The following ENKUR variants were observed in gnomAD, a reference collection of about 807,000 sequenced individuals.
The protein encoded by ENKUR is enkurin.
In ENKUR, 19 loss-of-function variants were observed where a neutral mutation model predicts 27.6. That is an observed-to-expected ratio of 0.69 (90% CI 0.48 to 1.01). The LOEUF (loss-of-function observed/expected upper bound fraction) is 1.01, where lower values mean the gene tolerates loss of function less well. Ranked by LOEUF, ENKUR falls within the 50% of genes least tolerant of loss-of-function variation. ENKUR has a pLI of 0.00. For missense variants in ENKUR, 312 were observed against 310.5 expected (o/e 1.00, Z -0.04); for synonymous variants, 117 against 96.9 (o/e 1.21, Z -1.22).
chr10:25,010,629 G>A (rs987188238), intron 1 of ENKUR, among the ~76,000 whole-genome samples: 9 of 146,506 alleles, frequency 6.1e-5, no homozygotes, highest in Non-Finnish European at 1.2e-4. Flanking sequence ...AGAGTGTGAT[G>A]TTCCCCTTCC....
At chr10:24,991,261 GTTGGCTT>G (rs1473011375) in intron 3 of ENKUR, among the ~76,000 whole-genome samples, 2 of 152,036 alleles carry the variant, frequency 1.3e-5, no homozygotes, top group East Asian at 3.9e-4. Flanking sequence ...ATATTCAAGA[GTTGGCTT>G]TTCTACCTTC....
chr10:25,013,217 T>G (rs1383896133), intron 1 of ENKUR, among the ~76,000 whole-genome samples: 1 of 152,252 alleles, frequency 6.6e-6, no homozygotes, highest in Admixed American at 6.5e-5. Flanking sequence ...GTCTCGAGTA[T>G]GTCTTTATTA....
intron 2 of ENKUR, among the ~76,000 whole-genome samples, chr10:24,996,188 T>C (rs1850049891): frequency 6.6e-6 from 1 of 152,196 alleles, no homozygotes; most frequent in African/African-American, 2.4e-5. Context: ...TGGCCCACGG[T>C]GACGTGGGCA....
chr10:25,012,210 C>G (rs376623846), intron 1 of ENKUR, among the ~76,000 whole-genome samples: 15 of 151,550 alleles, frequency 9.9e-5, no homozygotes, highest in African/African-American at 3.7e-4. Context: ...GTCTGGATGT[C>G]TAGGCAAAGA....
At chr10:25,023,990 T>C (rs763244634) in intron 2 of ENKUR, 5 of 1,614,058 alleles carry the variant, frequency 3.1e-6, no homozygotes, top group South Asian at 1.1e-5. Flanking sequence ...GAAGCTGTAA[T>C]TGAGGGGTTG....
rs1420879438 is a variant in ENKUR at position 24,983,683 on chromosome 10, CTG to C, written c.*685_*686del. On this transcript the variant is annotated 3_prime_UTR_variant, in exon 6 of 6. Coordinates refer to ENST00000331161, the MANE Select transcript of ENKUR (RefSeq NM_145010.4). ...AGCTTTTCTATAAGGCTTCCAAATT[CTG>C]TGTTTGTGAAAAAAGCCTGAAAGAC... The C allele has an allele frequency of 2.0e-5, 3 of 152,048 alleles. No homozygotes were observed. Among genetic ancestry groups the C allele is most frequent in the Non-Finnish European group, 4.4e-5 (3 of 67,982 alleles). 9.4% of individuals were successfully genotyped at this position (152,048 alleles called of 1,614,324 possible).
At chr10:25,021,804 G>T (rs1850724611) in intron 2 of ENKUR, 1 of 152,136 alleles carries the variant, frequency 6.6e-6, no homozygotes, top group Admixed American at 6.5e-5. Flanking sequence ...ATTGGTTCCG[G>T]TGTGTCCTAT....
rs143977917 is a variant in ENKUR, at chr10:25,012,570, T to C, written c.77+3290A>G. On this transcript the variant is annotated intron_variant, in intron 1 of 5. Coordinates refer to ENST00000331161, the MANE Select transcript of ENKUR (RefSeq NM_145010.4). ...GTCAAAGGAGATCATTTTGGAACTT[T>C]AAGGTTTAATGACTGCCCTATTAGA... 7.5e-3 allele frequency among the ~76,000 whole-genome samples: 1,135 copies of C among 152,326 alleles called. 18 individuals are homozygous for C. Among genetic ancestry groups the C allele is most frequent in the African/African-American group, 0.025 (1,043 of 41,580 alleles).
intron 2 of ENKUR, among the ~76,000 whole-genome samples, chr10:25,026,838 A>T (rs187747583): frequency 2.7e-3 from 414 of 152,298 alleles, no homozygotes; most frequent in Non-Finnish European, 4.9e-3. Context: ...TAATTTTTTT[A>T]AAATTAAACC....
At chr10:25,034,116 C>T (rs1282732093) in intron 2 of ENKUR, among the ~76,000 whole-genome samples, 1 of 151,906 alleles carries the variant, frequency 6.6e-6, no homozygotes, top group Non-Finnish European at 1.5e-5. Flanking sequence ...AAAATGAAAG[C>T]ATTCTGTGAA....
chr10:25,037,107 G>A (rs1025845985), intron 2 of ENKUR, among the ~76,000 whole-genome samples: 4 of 152,248 alleles, frequency 2.6e-5, no homozygotes, highest in African/African-American at 9.6e-5. Context: ...AAGAGTGCCT[G>A]TATGGAGTTG....
intron 1 of ENKUR, among the ~76,000 whole-genome samples, chr10:25,002,486 T>G (rs180762271): frequency 6.6e-6 from 1 of 152,340 alleles, no homozygotes; most frequent in Admixed American, 6.5e-5. Context: ...CCAGAGAGTA[T>G]GCTGGGGCAG....
intron 2 of ENKUR, chr10:25,026,738 A>G (rs886647519): frequency 2.0e-5 from 3 of 153,584 alleles, no homozygotes; most frequent in African/African-American, 7.2e-5. Flanking sequence ...ATTCAGTTTC[A>G]TTTTCTGGGA....
intron 4 of ENKUR, among the ~76,000 whole-genome samples, chr10:24,987,163 C>A (rs747595439): frequency 6.6e-6 from 1 of 152,122 alleles, no homozygotes; most frequent in South Asian, 2.1e-4. Flanking sequence ...TAGCTGCATT[C>A]ATCTGTGACT....
intron 2 of ENKUR, among the ~76,000 whole-genome samples, chr10:25,021,504 T>G (rs1396857232): frequency 6.6e-6 from 1 of 152,210 alleles, no homozygotes; most frequent in African/African-American, 2.4e-5. Context: ...TTTTTATTGC[T>G]TGATGGTAGA....
intron 1 of ENKUR, among the ~76,000 whole-genome samples, chr10:25,012,036 C>T (rs1850458681): frequency 6.6e-6 from 1 of 152,244 alleles, no homozygotes; most frequent in African/African-American, 2.4e-5. Context: ...CCCTGAGTCA[C>T]AGCCATGGCT....
intron 2 of ENKUR, among the ~76,000 whole-genome samples, chr10:25,039,911 C>T (rs1851043128): frequency 6.7e-6 from 1 of 148,730 alleles, no homozygotes; most frequent in African/African-American, 2.5e-5. Flanking sequence ...AACAAACCTG[C>T]ACATGTACCC....
At chr10:25,061,474 C>A (rs911709762) in intron 1 of ENKUR, 4 of 270,672 alleles carry the variant, frequency 1.5e-5, no homozygotes, top group African/African-American at 6.6e-5. Context: ...ACTGTTCTCC[C>A]CCGCCACCAC....
In ENKUR at chr10:24,983,540, T is replaced by C. The variant is rs1221112612; in HGVS notation, c.*830A>G. The C allele has an allele frequency of 4.6e-5, 7 of 152,256 alleles. No homozygotes were observed. The highest frequency in any genetic ancestry group is 4.4e-5 in the Non-Finnish European group (3 of 68,048). The allele number at this position is 152,256 out of a possible 1,614,324, so 9.4% of individuals were successfully genotyped here. On this transcript the variant is annotated 3_prime_UTR_variant, in exon 6 of 6. Transcript: ENST00000331161. The stretch of plus-strand genomic sequence containing the variant: ...AGTGAGAATTTGTCATATATTATCC[T>C]TTATTTTATATCTGCCCTAAGTTAA...
Sources: allele counts gnomAD v4.1 joint callset (sites outside exome capture counted in the v4.1 genomes callset), GRCh38; gene constraint gnomAD v4.1.1; transcripts MANE v1.5; gene names NCBI Gene and HGNC (gene_info 2026-07-23, HGNC 2026-07-21).